Variants in TRMU observed in about 807,000 individuals in gnomAD.
The protein encoded by TRMU is tRNA mitochondrial 2-thiouridylase.
A neutral mutation model predicts 46.9 loss-of-function variants in TRMU; 49 were observed. That is an observed-to-expected ratio of 1.05 (90% confidence interval 0.83 to 1.33). The LOEUF (loss-of-function observed/expected upper bound fraction) is 1.33, where lower values mean the gene tolerates loss of function less well. TRMU is among the 40% of genes most tolerant of loss of function. The pLI, the probability that TRMU is intolerant of heterozygous loss-of-function variation, is 0.00. For synonymous variants in TRMU, 241 were observed against 200.9 expected, an observed-to-expected ratio of 1.20 and a Z score of -1.69; for missense variants, 572 against 532.4, an observed-to-expected ratio of 1.07 and a Z score of -0.73.
chr22:46,353,564 GC>G, intron 7 of TRMU: 2 of 528,078 alleles, frequency 3.8e-6, no homozygotes, highest in Non-Finnish European at 7.2e-6. Flanking sequence ...CCCATGTCCA[GC>G]CCAGGCCTGG....
intron 7 of TRMU, chr22:46,352,650 G>A (rs1417591377): frequency 6.7e-6 from 3 of 446,348 alleles, no homozygotes; most frequent in East Asian, 9.2e-5. Context: ...TAAGGAAAAT[G>A]TTAAACTACA....
chr22:46,336,217 G>T lies in TRMU; in HGVS notation c.82+371G>T. 1 of 1,044,918 alleles carries T rather than the reference G, an allele frequency of 9.6e-7. No homozygotes were observed. Among genetic ancestry groups the T allele is most frequent in the Non-Finnish European group, 1.2e-6 (1 of 843,926 alleles). The allele number at this position is 1,044,918 out of a possible 1,614,324, so 64.7% of individuals were successfully genotyped here. On this transcript the variant is annotated intron_variant, in intron 1 of 10. Coordinates refer to ENST00000645190, the MANE Select transcript of TRMU (RefSeq NM_018006.5). This position sits in a 1 kb window ranked among gnomAD's most constrained non-coding sequence, Gnocchi z 4.1. ...GACACTGGTGAGGGGAGCTGGGATC[G>T]CCGGGCCGGGGGCCTGACCTCTGCA...
rs58315215 is a variant in TRMU, at chr22:46,349,980, GTT to G, written c.479-297_479-296del. Among the ~76,000 whole-genome samples, 13 of 130,904 alleles carry G rather than the reference GTT, an allele frequency of 9.9e-5. No homozygotes were observed. Among genetic ancestry groups the G allele is most frequent in the African/African-American group, 3.0e-4 (11 of 37,266 alleles). 85.9% of individuals were successfully genotyped at this position (130,904 alleles called of 152,430 possible). A position where few individuals can be genotyped will look rare whatever the true frequency, so the allele number is the denominator to read the frequency against. The stretch of plus-strand genomic sequence containing the variant: ...AGATTTGGCTGAATTTATTTTAGGT[GTT>G]TTTTTTTTTTTTTCTTATCACTTGA... On this transcript the variant is annotated intron_variant, in intron 4 of 10. Transcript: ENST00000645190. The surrounding 1 kb of genome is among the most constrained non-coding windows in gnomAD (Gnocchi z 4.6).
chr22:46,352,233 C>G lies in TRMU; in HGVS notation c.706-31C>G, dbSNP rs149471670. 191 of 1,614,190 alleles carry G rather than the reference C, an allele frequency of 1.2e-4. 1 individual carries two copies. The African/African-American group carries it at 2.1e-3, about 18-fold the overall frequency. ...CTGCGTGTCTGCCCTGGGCCTAGAT[C>G]TCCGTCGGTAATGACATGTTTGTTT... On this transcript the variant is annotated intron_variant, in intron 6 of 10. Coordinates refer to ENST00000645190, the MANE Select transcript of TRMU (RefSeq NM_018006.5).
In TRMU at chr22:46,346,336, CTCT is replaced by C. The variant is rs1322454109; in HGVS notation, c.356-81_356-79del. 2.6e-6 allele frequency: 4 copies of C among 1,534,258 alleles called. No individual in the cohort carries two copies. In the African/African-American group the frequency reaches 4.2e-5, roughly 16 times the overall value. On this transcript the variant is annotated intron_variant, in intron 3 of 10. Transcript: ENST00000645190. ...CTCAGCCTAAGACTTGGGGTCTATA[CTCT>C]TCTTTTGTGCCTTGGTTTATGCTGA...
intron 10 of TRMU, 38 bp downstream of exon 10, chr22:46,356,110 A>ACT: frequency 1.9e-6 from 3 of 1,610,014 alleles, no homozygotes; most frequent in Non-Finnish European, 2.5e-6. Context: ...GGAGGACTGT[A>ACT]CTGCTCTGCA....
chr22:46,352,773 G>A (rs1401209540), intron 7 of TRMU: 1 of 322,798 alleles, frequency 3.1e-6, no homozygotes, highest in East Asian at 7.7e-5. Flanking sequence ...AGTGCTGCTC[G>A]CTCATGTGCA....
chr22:46,337,123 T>G (rs1240929067), intron 1 of TRMU, among the ~76,000 whole-genome samples: 1 of 152,198 alleles, frequency 6.6e-6, no homozygotes, highest in African/African-American at 2.4e-5. Context: ...AAATTTCTGT[T>G]GTTTTGGGTA....
intron 7 of TRMU, 37 bp downstream of exon 7, chr22:46,352,367 C>T: frequency 1.2e-6 from 2 of 1,609,502 alleles, no homozygotes; most frequent in Non-Finnish European, 1.7e-6. Context: ...ATCTGAAATG[C>T]CTAGAGCTGT....
chr22:46,348,293 C>T lies in TRMU; in HGVS notation c.478+1749C>T, dbSNP rs1479846967. On this transcript the variant is annotated intron_variant, in intron 4 of 10. Transcript: ENST00000645190. This position sits in a 1 kb window ranked among gnomAD's most constrained non-coding sequence, Gnocchi z 4.8. Reference sequence around the variant, plus strand: ...CAGAGCCATCGACCTTTATTATAGGCCACGTGCCCTCGGAAACTTGGGACA... The same window carrying T: ...CAGAGCCATCGACCTTTATTATAGGTCACGTGCCCTCGGAAACTTGGGACA... Among the ~76,000 whole-genome samples the T allele has an allele frequency of 6.6e-6, 1 of 152,228 alleles. No homozygotes were observed. The highest frequency in any genetic ancestry group is 6.5e-5 in the Admixed American group (1 of 15,276).
chr22:46,352,350 A>G lies in TRMU; in HGVS notation c.772+20A>G, dbSNP rs757015653. On this transcript the variant is annotated intron_variant, in intron 7 of 10. Transcript: ENST00000645190. ...ATAAAGGTGAGGTGCAGACTCTGCC[A>G]CTTGTCATCTGAAATGCCTAGAGCT... 1.9e-6 allele frequency: 3 copies of G among 1,613,506 alleles called. No homozygotes were observed. The highest frequency in any genetic ancestry group is 2.5e-6 in the Non-Finnish European group (3 of 1,179,772).
rs1004397410 is a variant in TRMU, at chr22:46,350,154, A to C, written c.479-137A>C. 1.1e-6 allele frequency: 1 copy of C among 937,900 alleles called. No homozygotes were observed. The highest frequency in any genetic ancestry group is 1.6e-6 in the Non-Finnish European group (1 of 613,960). 58.1% of individuals were successfully genotyped at this position (937,900 alleles called of 1,614,324 possible). A position where few individuals can be genotyped will look rare whatever the true frequency, so the allele number is the denominator to read the frequency against. On this transcript the variant is annotated intron_variant, in intron 4 of 10. Transcript: ENST00000645190. The surrounding 1 kb of genome is among the most constrained non-coding windows in gnomAD (Gnocchi z 4.6). Reference sequence around the variant, plus strand: ...ATTAACCCGTGGTGGTCTTTTCCCTAGTAGTTGCTATTGAGTGTTGATGTC... The same window carrying C: ...ATTAACCCGTGGTGGTCTTTTCCCTCGTAGTTGCTATTGAGTGTTGATGTC...
intron 1 of TRMU, among the ~76,000 whole-genome samples, chr22:46,337,296 A>C (rs1374478996): frequency 6.6e-6 from 1 of 152,202 alleles, no homozygotes; most frequent in African/African-American, 2.4e-5. Flanking sequence ...ATTTTGTTAC[A>C]ATCGAAAAGG....
In TRMU at chr22:46,350,331, G is replaced by A; in HGVS notation, c.519G>A (p.Gln173=). 6.2e-7 allele frequency: 1 copy of A among 1,614,236 alleles called. No homozygotes were observed. Among genetic ancestry groups the A allele is most frequent in the Non-Finnish European group, 8.5e-7 (1 of 1,180,046 alleles). The change falls in exon 5 of 11, where the codon CAG becomes CAA. Residue 173 remains glutamine (Q), a synonymous_variant. Transcript: ENST00000645190. The surrounding 1 kb of genome is among the most constrained non-coding windows in gnomAD (Gnocchi z 4.6). Reference sequence around the variant, plus strand: ...AGGCAGCTGACAGCTTTAAAGACCAGACCTTCTTTCTCAGCCAGGTTTCCC... The same window carrying A: ...AGGCAGCTGACAGCTTTAAAGACCAAACCTTCTTTCTCAGCCAGGTTTCCC... ...LLQAADSFKD[Q]TFFLSQVSQD... is the part of the protein sequence containing the mutation.
Position 46,342,268 on chromosome 22 carries a change from C to G in TRMU, c.249-994C>G, listed in dbSNP as rs76118682. On this transcript the variant is annotated intron_variant, in intron 2 of 10. Transcript: ENST00000645190. The surrounding 1 kb of genome is among the most constrained non-coding windows in gnomAD (Gnocchi z 4.7). Reference sequence around the variant, plus strand: ...ATTAATAATTTGCTGGAGTGGTTCACAGAACTCAGAAAAACACATTTACCA... The same window carrying G: ...ATTAATAATTTGCTGGAGTGGTTCAGAGAACTCAGAAAAACACATTTACCA... Among the ~76,000 whole-genome samples, 19 of 152,226 alleles carry G rather than the reference C, an allele frequency of 1.2e-4. No homozygotes were observed. In the East Asian group the frequency reaches 2.7e-3, roughly 22 times the overall value.
At chr22:46,352,216 C>T (rs1460329758) in intron 6 of TRMU, 42 bp downstream of exon 6, 1 of 1,614,122 alleles carries the variant, frequency 6.2e-7, no homozygotes, top group South Asian at 1.1e-5. Flanking sequence ...GGCTGCGTGT[C>T]TGCCCTGGGC....
intron 10 of TRMU, chr22:46,356,550 A>C: frequency 2.0e-6 from 1 of 488,438 alleles, no homozygotes; most frequent in South Asian, 2.6e-5. Context: ...ACAGCTCCAC[A>C]TTCCCAAGGG....
At chr22:46,343,499 C>A in intron 3 of TRMU, 131 bp downstream of exon 3, 1 of 715,120 alleles carries the variant, frequency 1.4e-6, no homozygotes, top group Non-Finnish European at 2.4e-6. Flanking sequence ...GATTCTCCCA[C>A]CCCAGGCTCC....
rs370296312 is a variant in TRMU, at chr22:46,352,354, G to A, written c.772+24G>A. 3 of 1,613,304 alleles carry A rather than the reference G, an allele frequency of 1.9e-6. No individual in the cohort carries two copies. In the African/African-American group the frequency reaches 4.0e-5, roughly 22 times the overall value. On this transcript the variant is annotated intron_variant, in intron 7 of 10. Coordinates refer to ENST00000645190, the MANE Select transcript of TRMU (RefSeq NM_018006.5). ...AGGTGAGGTGCAGACTCTGCCACTT[G>A]TCATCTGAAATGCCTAGAGCTGTGG...
Sources: allele counts gnomAD v4.1 joint callset (sites outside exome capture counted in the v4.1 genomes callset), GRCh38; gene constraint gnomAD v4.1.1; non-coding constraint Gnocchi (gnomAD v3.1); transcripts MANE v1.5; gene names NCBI Gene and HGNC (gene_info 2026-07-23, HGNC 2026-07-21).